Variants in LRMDA observed in about 807,000 individuals in gnomAD.
The protein encoded by LRMDA is leucine-rich melanocyte differentiation-associated protein.
Under a neutral mutation model 29.8 loss-of-function variants are expected in LRMDA, and 18 were observed. That is an observed-to-expected ratio of 0.60 (90% CI 0.42 to 0.90). The LOEUF is 0.90. LRMDA is among the 40% of genes least tolerant of loss of function. The pLI is 0.00. For missense variants in LRMDA, 273 were observed against 273.9 expected, an observed-to-expected ratio of 1.00 and a Z score of 0.02; for synonymous variants, 125 against 109.4, an observed-to-expected ratio of 1.14 and a Z score of -0.89.
intron 2 of LRMDA, among the ~76,000 whole-genome samples, chr10:75,890,777 C>T (rs1564598311): frequency 6.6e-6 from 1 of 152,130 alleles, no homozygotes; most frequent in Non-Finnish European, 1.5e-5. Context: ...ATGCTTGGCC[C>T]ACCTGAGAAA....
At chr10:76,368,426 A>G (rs1271853978) in intron 6 of LRMDA, among the ~76,000 whole-genome samples, 1 of 151,982 alleles carries the variant, frequency 6.6e-6, no homozygotes, top group Non-Finnish European at 1.5e-5. Context: ...TTCCTTTTGG[A>G]TTTGATTTCC....
At chr10:75,851,555 T>A (rs1844733522) in intron 2 of LRMDA, among the ~76,000 whole-genome samples, 1 of 152,230 alleles carries the variant, frequency 6.6e-6, no homozygotes, top group Admixed American at 6.5e-5. Flanking sequence ...TCTCACTACT[T>A]GTTCTGAAGA....
chr10:75,894,430 G>A (rs1214690708), intron 2 of LRMDA, among the ~76,000 whole-genome samples: 1 of 152,178 alleles, frequency 6.6e-6, no homozygotes, highest in Admixed American at 6.5e-5. Context: ...CTTGTTGATT[G>A]TTGGGCATTT....
chr10:75,676,764 T>C (rs911078393), intron 2 of LRMDA, among the ~76,000 whole-genome samples: 6 of 152,166 alleles, frequency 3.9e-5, no homozygotes, highest in African/African-American at 1.4e-4. Flanking sequence ...TCCATCATTA[T>C]AGTTTTACAG....
At chr10:76,098,470 G>A (rs1358284235) in intron 5 of LRMDA, among the ~76,000 whole-genome samples, 3 of 152,116 alleles carry the variant, frequency 2.0e-5, no homozygotes, top group African/African-American at 7.2e-5. Flanking sequence ...ATACAATTTA[G>A]GGTCCTAAAG....
At chr10:75,959,998 T>G (rs1846735182) in intron 2 of LRMDA, among the ~76,000 whole-genome samples, 1 of 152,232 alleles carries the variant, frequency 6.6e-6, no homozygotes, top group Admixed American at 6.5e-5. Flanking sequence ...AGGTTTAGTT[T>G]GTCTTTGCTA....
chr10:76,197,050 C>A (rs1851342860), intron 5 of LRMDA, among the ~76,000 whole-genome samples: 2 of 152,192 alleles, frequency 1.3e-5, no homozygotes, highest in African/African-American at 4.8e-5. Context: ...ATTCCTCTTT[C>A]ACATAATTCT....
At chr10:76,024,518 G>A (rs576778114) in intron 2 of LRMDA, among the ~76,000 whole-genome samples, 95 of 152,324 alleles carry the variant, frequency 6.2e-4, no homozygotes, top group African/African-American at 2.2e-3. Flanking sequence ...CTTCTTTCCT[G>A]CTGGAGACAT....
At chr10:76,544,720 A>G (rs796531129) in intron 6 of LRMDA, among the ~76,000 whole-genome samples, 2 of 47,068 alleles carry the variant, frequency 4.2e-5, no homozygotes, top group South Asian at 8.2e-4. Flanking sequence ...GCACACACAC[A>G]CACACACACA....
At chr10:76,300,529 T>C (rs1305970802) in intron 5 of LRMDA, among the ~76,000 whole-genome samples, 1 of 152,210 alleles carries the variant, frequency 6.6e-6, no homozygotes, top group Non-Finnish European at 1.5e-5. Context: ...TTAATACCTT[T>C]CCAACATACT....
intron 2 of LRMDA, among the ~76,000 whole-genome samples, chr10:75,963,813 A>G (rs1456293803): frequency 6.6e-6 from 1 of 152,264 alleles, no homozygotes; most frequent in Non-Finnish European, 1.5e-5. Flanking sequence ...ATGCATATCC[A>G]CACACATTTG....
At chr10:76,066,286 C>G (rs1334653470) in intron 5 of LRMDA, among the ~76,000 whole-genome samples, 1 of 152,178 alleles carries the variant, frequency 6.6e-6, no homozygotes, top group African/African-American at 2.4e-5. Context: ...ATTAGATGCA[C>G]AGAAACTTCC....
At chr10:75,976,381 T>C (rs1847070586) in intron 2 of LRMDA, among the ~76,000 whole-genome samples, 1 of 152,270 alleles carries the variant, frequency 6.6e-6, no homozygotes, top group Admixed American at 6.5e-5. Context: ...ATAACCCACT[T>C]ATAACTGGCA....
At chr10:75,572,609 A>T (rs756134230) in intron 2 of LRMDA, among the ~76,000 whole-genome samples, 1 of 152,218 alleles carries the variant, frequency 6.6e-6, no homozygotes, top group East Asian at 1.9e-4. Context: ...TAGGAATTTT[A>T]TAACTTTATT....
chr10:75,825,637 A>T (rs1001576036), intron 2 of LRMDA, among the ~76,000 whole-genome samples: 4 of 152,340 alleles, frequency 2.6e-5, no homozygotes, highest in East Asian at 1.9e-4. Context: ...TGAAGAAAAT[A>T]TCTATTGCAC....
At chr10:75,718,511 A>C (rs1842528947) in intron 2 of LRMDA, among the ~76,000 whole-genome samples, 1 of 152,240 alleles carries the variant, frequency 6.6e-6, no homozygotes, top group Non-Finnish European at 1.5e-5. Context: ...TAGGAAGTAC[A>C]AACTCACAAG....
intron 2 of LRMDA, among the ~76,000 whole-genome samples, chr10:75,703,441 C>T (rs1273079716): frequency 6.6e-6 from 1 of 152,196 alleles, no homozygotes; most frequent in Non-Finnish European, 1.5e-5. Flanking sequence ...TAATACCTTT[C>T]CTGCATTCCT....
intron 2 of LRMDA, among the ~76,000 whole-genome samples, chr10:75,725,815 G>GT (rs1378424039): frequency 2.6e-5 from 4 of 152,192 alleles, no homozygotes; most frequent in African/African-American, 9.7e-5. Context: ...GTTTGACTGG[G>GT]TGGGAGGGCT....
intron 2 of LRMDA, among the ~76,000 whole-genome samples, chr10:75,519,114 T>G (rs1686291439): frequency 6.6e-6 from 1 of 152,226 alleles, no homozygotes; most frequent in African/African-American, 2.4e-5. Context: ...AGGAGTGTTT[T>G]ACTTCTAATT....
Sources: gnomAD v4.1 joint callset for allele counts (sites outside exome capture counted in the v4.1 genomes callset) on GRCh38, gnomAD v4.1.1 for gene constraint, MANE v1.5 for transcripts, NCBI Gene and HGNC (gene_info 2026-07-23, HGNC 2026-07-21) for gene names.